GRM8: variants seen among roughly 807,000 people sequenced by gnomAD.
The protein encoded by GRM8 is glutamate metabotropic receptor 8, also known as metabotropic glutamate receptor 8.
A neutral mutation model predicts 87.2 loss-of-function variants in GRM8; 47 were observed. That is an observed-to-expected ratio of 0.54 (90% CI 0.43 to 0.69). GRM8 has a LOEUF of 0.69. Ranked by LOEUF, GRM8 falls within the 30% of genes least tolerant of loss-of-function variation. The probability of loss-of-function intolerance (pLI) is 0.00; values close to 1 mark genes in which losing one functional copy is unlikely to be tolerated. For synonymous variants in GRM8, 396 were observed against 404.5 expected, an observed-to-expected ratio of 0.98 and a Z score of 0.25; for missense variants, 1,019 against 1,139.2, an observed-to-expected ratio of 0.89 and a Z score of 1.52.
intron 7 of GRM8, among the ~76,000 whole-genome samples, chr7:126,688,926 G>A (rs904868395): frequency 1.3e-5 from 2 of 152,082 alleles, no homozygotes; most frequent in Admixed American, 1.3e-4. Context: ...GTGTTACAGT[G>A]CTTTATTCAC....
At chr7:126,858,966 G>T (rs1797916943) in intron 6 of GRM8, among the ~76,000 whole-genome samples, 1 of 151,932 alleles carries the variant, frequency 6.6e-6, no homozygotes, top group African/African-American at 2.4e-5. Context: ...GGCAGTCCCA[G>T]TCTAATGTGT....
At chr7:126,772,989 G>A (rs1447424942) in intron 6 of GRM8, among the ~76,000 whole-genome samples, 1 of 152,124 alleles carries the variant, frequency 6.6e-6, no homozygotes, top group Non-Finnish European at 1.5e-5. Flanking sequence ...CAATAAGCAG[G>A]AATTGAATGT....
intron 3 of GRM8, among the ~76,000 whole-genome samples, chr7:126,931,252 A>G (rs1319609155): frequency 1.3e-5 from 2 of 152,176 alleles, no homozygotes; most frequent in Non-Finnish European, 2.9e-5. Flanking sequence ...GCAAGAATAT[A>G]TTTTATTCTC....
chr7:126,767,682 T>TA (rs1818341748), intron 7 of GRM8, among the ~76,000 whole-genome samples: 2 of 152,080 alleles, frequency 1.3e-5, no homozygotes, highest in Non-Finnish European at 2.9e-5. Context: ...ATTTTTATCA[T>TA]AAACAGAATG....
At chr7:126,772,860 GA>G (rs1236924286) in intron 6 of GRM8, among the ~76,000 whole-genome samples, 1 of 152,078 alleles carries the variant, frequency 6.6e-6, no homozygotes, top group East Asian at 1.9e-4. Context: ...CTGCAAATAA[GA>G]AAGAATTTCC....
At chr7:126,996,515 T>TA (rs1813192051) in intron 3 of GRM8, among the ~76,000 whole-genome samples, 1 of 152,032 alleles carries the variant, frequency 6.6e-6, no homozygotes, top group Admixed American at 6.6e-5. Flanking sequence ...GCTGAATGAA[T>TA]TTTTAAAAAA....
At chr7:126,771,822 C>T (rs1036393554) in intron 6 of GRM8, among the ~76,000 whole-genome samples, 1 of 152,010 alleles carries the variant, frequency 6.6e-6, no homozygotes, top group African/African-American at 2.4e-5. Context: ...TGCAAGTTTG[C>T]GAGCACAAAG....
At chr7:127,055,646 C>T (rs1819903432) in intron 3 of GRM8, among the ~76,000 whole-genome samples, 1 of 150,738 alleles carries the variant, frequency 6.6e-6, no homozygotes, top group Non-Finnish European at 1.5e-5. Flanking sequence ...CAATCTGCTA[C>T]CCATCCCCAA....
intron 2 of GRM8, 99 bp downstream of exon 2, chr7:127,242,596 G>T: frequency 8.6e-7 from 1 of 1,163,158 alleles, no homozygotes. Flanking sequence ...GGGTCTATGA[G>T]CACCTTCACC....
At chr7:127,172,053 C>T (rs1163024880) in intron 2 of GRM8, among the ~76,000 whole-genome samples, 1 of 151,620 alleles carries the variant, frequency 6.6e-6, no homozygotes, top group Non-Finnish European at 1.5e-5. Context: ...GTAAATTCAT[C>T]ATTCCACATG....
At chr7:127,230,323 G>A (rs561954412) in intron 2 of GRM8, among the ~76,000 whole-genome samples, 1 of 152,172 alleles carries the variant, frequency 6.6e-6, no homozygotes, top group South Asian at 2.1e-4. Flanking sequence ...TTGAAGTTTT[G>A]TCATAGCAGA....
At chr7:126,581,838 T>C (rs1037541771) in intron 8 of GRM8, among the ~76,000 whole-genome samples, 8 of 152,122 alleles carry the variant, frequency 5.3e-5, no homozygotes, top group African/African-American at 1.9e-4. Flanking sequence ...GTAATTGTTT[T>C]GGAGTGCAAC....
intron 2 of GRM8, among the ~76,000 whole-genome samples, chr7:127,144,959 C>A (rs1384586097): frequency 1.3e-5 from 2 of 152,036 alleles, no homozygotes; most frequent in Non-Finnish European, 2.9e-5. Context: ...TCTTATGTTT[C>A]TTTAATATAT....
At chr7:126,771,515 G>A (rs1219184685) in intron 6 of GRM8, among the ~76,000 whole-genome samples, 1 of 151,708 alleles carries the variant, frequency 6.6e-6, no homozygotes, top group African/African-American at 2.4e-5. Context: ...TCTGCTAATT[G>A]TCAATTTTGT....
chr7:126,581,545 T>C lies in GRM8; in HGVS notation c.1494+27817A>G, dbSNP rs532242232. ...TGAGACGTGATCACTATACCTGAGG[T>C]CTAATACATCTACCTTCAAACATAA... On this transcript the variant is annotated intron_variant, in intron 8 of 10. Transcript: ENST00000339582. 8.5e-5 allele frequency among the ~76,000 whole-genome samples: 13 copies of C among 152,204 alleles called. No individual in the cohort carries two copies. The East Asian group carries it at 2.3e-3, about 27-fold the overall frequency.
chr7:127,232,555 GT>G (rs895934260), intron 2 of GRM8, among the ~76,000 whole-genome samples: 4 of 152,076 alleles, frequency 2.6e-5, no homozygotes, highest in African/African-American at 9.7e-5. Flanking sequence ...TGGCCCATCA[GT>G]TCTGTTTCTT....
intron 6 of GRM8, among the ~76,000 whole-genome samples, chr7:126,897,295 A>C (rs540545686): frequency 6.6e-6 from 1 of 152,280 alleles, no homozygotes; most frequent in Admixed American, 6.5e-5. Flanking sequence ...AGTCATTTAA[A>C]AAGTAAAGCA....
chr7:127,148,624 T>C (rs761168580), intron 2 of GRM8, among the ~76,000 whole-genome samples: 16 of 152,018 alleles, frequency 1.1e-4, no homozygotes, highest in Non-Finnish European at 2.4e-4. Context: ...TCATATACAG[T>C]ATTGTTTCAG....
chr7:127,008,441 A>G (rs571901963), intron 3 of GRM8, among the ~76,000 whole-genome samples: 29 of 152,252 alleles, frequency 1.9e-4, no homozygotes, highest in Non-Finnish European at 3.4e-4. Context: ...CATGCTTATA[A>G]ATACTATTAA....
Sources: allele counts gnomAD v4.1 joint callset (sites outside exome capture counted in the v4.1 genomes callset), GRCh38; gene constraint gnomAD v4.1.1; transcripts MANE v1.5; gene names NCBI Gene and HGNC (gene_info 2026-07-23, HGNC 2026-07-21).